TMEM175: variants seen among roughly 807,000 people sequenced by gnomAD.
The protein encoded by TMEM175 is endosomal/lysosomal proton channel TMEM175.
TMEM175 carries 36 observed loss-of-function variants against 36.5 expected under a neutral mutation model. The observed-to-expected ratio is 0.99, with a 90% CI of 0.76 to 1.30. The LOEUF is 1.30. Among genes scored for constraint, TMEM175 ranks in the 50% most tolerant of loss-of-function variants. The pLI is 0.00. For synonymous variants in TMEM175, 339 were observed against 313.4 expected (o/e 1.08, Z -0.86); for missense variants, 705 against 692.8 (o/e 1.02, Z -0.20).
intron 1 of TMEM175, among the ~76,000 whole-genome samples, chr4:944,096 C>T (rs1169506756): frequency 2.6e-5 from 4 of 152,182 alleles, no homozygotes; most frequent in African/African-American, 9.7e-5. Flanking sequence ...AGTTTGACAC[C>T]AGCCTGGGAA....
intron 1 of TMEM175, among the ~76,000 whole-genome samples, chr4:947,167 G>C (rs866662103): frequency 6.8e-6 from 1 of 147,020 alleles, no homozygotes; most frequent in Non-Finnish European, 1.5e-5. Flanking sequence ...CCAGGCATAC[G>C]TGCACAGGTG....
chr4:949,846 G>A (rs147297353), intron 3 of TMEM175, among the ~76,000 whole-genome samples: 1 of 150,370 alleles, frequency 6.7e-6, no homozygotes, highest in Non-Finnish European at 1.5e-5. Context: ...GGCAGTGCCA[G>A]GTGTGACCCT....
At chr4:937,592 G>A (rs1726939771) in intron 1 of TMEM175, among the ~76,000 whole-genome samples, 1 of 152,144 alleles carries the variant, frequency 6.6e-6, no homozygotes, top group African/African-American at 2.4e-5. Flanking sequence ...AACTTAGATA[G>A]CTTCTCTGGG....
chr4:940,655 A>G (rs529313682), intron 1 of TMEM175, among the ~76,000 whole-genome samples: 1 of 152,266 alleles, frequency 6.6e-6, no homozygotes, highest in South Asian at 2.1e-4. Flanking sequence ...ATTGTGATGT[A>G]TGAATATTTG....
intron 1 of TMEM175, among the ~76,000 whole-genome samples, chr4:941,445 T>C (rs1476297224): frequency 2.0e-5 from 3 of 150,220 alleles, no homozygotes; most frequent in Admixed American, 6.6e-5. Flanking sequence ...TTTTCTTTTT[T>C]TTTTTTTTCT....
intron 1 of TMEM175, among the ~76,000 whole-genome samples, chr4:942,903 A>T (rs1230371660): frequency 1.3e-5 from 2 of 151,842 alleles, no homozygotes; most frequent in Admixed American, 1.3e-4. Context: ...GCCTCCCAAA[A>T]TGCTGGGATT....
Position 957,885 on chromosome 4 carries a change from G to T in TMEM175, c.904G>T (p.Ala302Ser). The T allele has an allele frequency of 6.2e-7, 1 of 1,612,768 alleles. No individual in the cohort carries two copies. Among genetic ancestry groups the T allele is most frequent in the Non-Finnish European group, 8.5e-7 (1 of 1,179,944 alleles). The change falls in exon 11 of 11, where the codon GCC becomes TCC. Residue 302 changes from alanine (A) to serine (S), a missense_variant. Physicochemically the swap from Ala to Ser is moderately conservative, Grantham distance 99. Coordinates refer to ENST00000264771, the MANE Select transcript of TMEM175 (RefSeq NM_032326.4). ...GAGGTTCAGCGGCAGCCTCGTGGCC[G>T]CCCTGAGTGCGACCGGGCCGCGCTT... is the stretch of plus-strand genomic sequence containing the variant. ...KERFSGSLVA[A>S]LSATGPRFLA...
chr4:955,647 TGGCCTGCACATTCCA>T, intron 9 of TMEM175, 93 bp from the exon 10 acceptor site: 2 of 1,507,648 alleles, frequency 1.3e-6, no homozygotes, highest in Non-Finnish European at 1.8e-6. Flanking sequence ...TCTCCTCTCC[TGGCCTGCACATTCCA>T]GGCCTCTTCA....
rs748894654 is a variant in TMEM175, at chr4:958,313, T to C, written c.1332T>C (p.Ser444=). 7 of 1,605,550 alleles carry C rather than the reference T, an allele frequency of 4.4e-6. No homozygotes were observed. Among genetic ancestry groups the C allele is most frequent in the East Asian group, 2.2e-5 (1 of 44,882 alleles). Residue 444 remains serine (S), a synonymous_variant, in exon 11 of 11, where the codon AGT becomes AGC. Coordinates refer to ENST00000264771, the MANE Select transcript of TMEM175 (RefSeq NM_032326.4). ...CCACCTGCCTGCTGAGCAGGTTCAGTGTGGGCATCTTCCACCTCATGCAGA... is the reference window on the plus strand; with the variant it reads ...CCACCTGCCTGCTGAGCAGGTTCAGCGTGGGCATCTTCCACCTCATGCAGA... ...FASTCLLSRF[S]VGIFHLMQIA...
At chr4:941,126 C>T (rs1270397873) in intron 1 of TMEM175, among the ~76,000 whole-genome samples, 1 of 149,694 alleles carries the variant, frequency 6.7e-6, no homozygotes, top group Non-Finnish European at 1.5e-5. Flanking sequence ...GCCTGTAATC[C>T]CAACACTTTG....
At chr4:957,215 G>C (rs939278344) in intron 10 of TMEM175, among the ~76,000 whole-genome samples, 1 of 151,754 alleles carries the variant, frequency 6.6e-6, no homozygotes, top group Admixed American at 6.6e-5. Context: ...GAGGACAGAA[G>C]TCTGTCTGGG....
At chr4:951,585 A>C in intron 5 of TMEM175, 97 bp from the exon 6 acceptor site, 1 of 1,503,534 alleles carries the variant, frequency 6.7e-7, no homozygotes, top group South Asian at 1.2e-5. Context: ...CTTCTTGGGG[A>C]GGGCCCAGCC....
rs1415956577 is a variant in TMEM175 at position 932,771 on chromosome 4, C to T, written c.-32+231C>T. On this transcript the variant is annotated intron_variant, in intron 1 of 10. Coordinates refer to ENST00000264771, the MANE Select transcript of TMEM175 (RefSeq NM_032326.4). This position sits in a 1 kb window ranked among gnomAD's most constrained non-coding sequence, Gnocchi z 4.0. ...AAGCTTTCAGTAAATACTTGGTTTT[C>T]GTCTCATGGAGGTCGGAGTTTCCTG... Among the ~76,000 whole-genome samples the T allele has an allele frequency of 6.6e-6, 1 of 152,234 alleles. No individual in the cohort carries two copies. The highest frequency in any genetic ancestry group is 1.5e-5 in the Non-Finnish European group (1 of 68,036).
intron 10 of TMEM175, among the ~76,000 whole-genome samples, chr4:957,472 C>T (rs1729839540): frequency 6.6e-6 from 1 of 152,194 alleles, no homozygotes; most frequent in African/African-American, 2.4e-5. Context: ...GGGAACAGAC[C>T]TCGCTGCCCC....
chr4:953,113 T>C (rs1729159528), intron 7 of TMEM175, 77 bp from the exon 8 acceptor site: 17 of 1,465,324 alleles, frequency 1.2e-5, no homozygotes, highest in South Asian at 2.7e-5. Flanking sequence ...GCGTGTGCCA[T>C]GCAGCCCGGG....
chr4:951,902 G>A (rs1728937388), intron 6 of TMEM175, 185 bp downstream of exon 6: 1 of 655,872 alleles, frequency 1.5e-6, no homozygotes, highest in African/African-American at 1.8e-5. Flanking sequence ...GGCGGGGAGG[G>A]GAGGCAGTGG....
At chr4:944,272 G>T in intron 1 of TMEM175, among the ~76,000 whole-genome samples, 1 of 152,274 alleles carries the variant, frequency 6.6e-6, no homozygotes, top group South Asian at 2.1e-4. Flanking sequence ...CAGCCTGGGC[G>T]ACAGAGCAAG....
chr4:957,292 G>T (rs1298903674), intron 10 of TMEM175, among the ~76,000 whole-genome samples: 1 of 152,226 alleles, frequency 6.6e-6, no homozygotes, highest in Non-Finnish European at 1.5e-5. Flanking sequence ...GGCTTTCTGG[G>T]TGGTGCCGTC....
chr4:958,103 G>C lies in TMEM175; in HGVS notation c.1122G>C (p.Glu374Asp). The part of the protein sequence containing the change: ...AFARQPRDEL[E>D]RVRVSCTIIF... The stretch of plus-strand genomic sequence containing the variant: ...CCCGGCAGCCCCGCGATGAGCTGGA[G>C]CGCGTGCGTGTCAGCTGCACCATCA... The change falls in exon 11 of 11, where the codon GAG becomes GAC. Residue 374 changes from glutamate to aspartate, a missense_variant. By Grantham distance (45) the Glu-to-Asp change is conservative (BLOSUM62 2). Transcript: ENST00000264771. The C allele has an allele frequency of 6.2e-7, 1 of 1,605,268 alleles. No homozygotes were observed. The highest frequency in any genetic ancestry group is 8.5e-7 in the Non-Finnish European group (1 of 1,179,804).
Sources: allele counts gnomAD v4.1 joint callset (sites outside exome capture counted in the v4.1 genomes callset), GRCh38; gene constraint gnomAD v4.1.1; non-coding constraint Gnocchi (gnomAD v3.1); transcripts MANE v1.5; gene names NCBI Gene and HGNC (gene_info 2026-07-23, HGNC 2026-07-21).